NEGR1: variants seen among roughly 807,000 people sequenced by gnomAD.
The protein encoded by NEGR1 is IgLON family member 4.
NEGR1 carries 10 observed loss-of-function variants against 40.9 expected under a neutral mutation model. The observed-to-expected ratio is 0.24, with a 90% CI of 0.15 to 0.42. The LOEUF is 0.42. Ranked by LOEUF, NEGR1 falls within the 10% of genes least tolerant of loss-of-function variation. The pLI is 1.00. For synonymous variants in NEGR1, 185 were observed against 166.8 expected (o/e 1.11, Z -0.84); for missense variants, 352 against 438.9 (o/e 0.80, Z 1.77).
At chr1:71,830,513 T>G (rs552683704) in intron 2 of NEGR1, among the ~76,000 whole-genome samples, 1 of 151,832 alleles carries the variant, frequency 6.6e-6, no homozygotes, top group Non-Finnish European at 1.5e-5. Flanking sequence ...CCTTGTTGAT[T>G]GCATTCTTGA....
intron 6 of NEGR1, among the ~76,000 whole-genome samples, chr1:71,506,610 TA>T (rs1327804437): frequency 6.6e-6 from 1 of 152,124 alleles, no homozygotes; most frequent in Non-Finnish European, 1.5e-5. Context: ...CATTTGGTCA[TA>T]ACAATGAATA....
chr1:71,994,609 A>G (rs1311658160), intron 1 of NEGR1, among the ~76,000 whole-genome samples: 1 of 151,958 alleles, frequency 6.6e-6, no homozygotes, highest in African/African-American at 2.4e-5. Context: ...TTAAAAACCC[A>G]CCATGAAGTA....
intron 1 of NEGR1, among the ~76,000 whole-genome samples, chr1:72,276,175 T>A (rs1175407173): frequency 6.6e-6 from 1 of 152,088 alleles, no homozygotes; most frequent in African/African-American, 2.4e-5. Context: ...AAACAAGATA[T>A]GGTAGAAAAA....
At chr1:72,210,606 T>C (rs1653566555) in intron 1 of NEGR1, among the ~76,000 whole-genome samples, 1 of 151,926 alleles carries the variant, frequency 6.6e-6, no homozygotes, top group African/African-American at 2.4e-5. Context: ...AGATTTGAAT[T>C]TCTGACATCT....
intron 1 of NEGR1, among the ~76,000 whole-genome samples, chr1:72,152,736 T>C (rs773896303): frequency 4.6e-5 from 7 of 151,988 alleles, no homozygotes; most frequent in Non-Finnish European, 8.8e-5. Context: ...TGCCCATCAA[T>C]GGTAGAATGG....
chr1:71,987,568 G>A (rs541551191), intron 1 of NEGR1, among the ~76,000 whole-genome samples: 6 of 152,284 alleles, frequency 3.9e-5, no homozygotes, highest in East Asian at 1.9e-4. Flanking sequence ...ACATGAAGGC[G>A]CCTAGTGGTC....
chr1:72,037,037 A>C (rs1646909740), intron 1 of NEGR1, among the ~76,000 whole-genome samples: 1 of 152,168 alleles, frequency 6.6e-6, no homozygotes, highest in Admixed American at 6.5e-5. Flanking sequence ...GAACAAAGTT[A>C]ATAATTGTAC....
intron 1 of NEGR1, among the ~76,000 whole-genome samples, chr1:71,976,994 T>A (rs2100330394): frequency 6.6e-6 from 1 of 152,266 alleles, no homozygotes; most frequent in East Asian, 1.9e-4. Flanking sequence ...AGATAATAGT[T>A]ACAGAATTCT....
intron 6 of NEGR1, among the ~76,000 whole-genome samples, chr1:71,413,159 C>T (rs79994143): frequency 0.073 from 11,051 of 152,208 alleles, 587 homozygotes; most frequent in Middle Eastern, 0.15. Context: ...TTGGTAGTAT[C>T]TCAAAAGTTA....
chr1:72,156,053 T>A (rs1490435087), intron 1 of NEGR1, among the ~76,000 whole-genome samples: 1 of 152,140 alleles, frequency 6.6e-6, no homozygotes, highest in Non-Finnish European at 1.5e-5. Context: ...ATCTAAGCCA[T>A]AACATTTGAA....
intron 1 of NEGR1, chr1:72,101,074 A>C (rs757405733): frequency 6.6e-6 from 1 of 152,188 alleles, no homozygotes; most frequent in African/African-American, 2.4e-5. Context: ...TTACACTGGG[A>C]GTTAGGGCTT....
intron 6 of NEGR1, among the ~76,000 whole-genome samples, chr1:71,469,732 T>A (rs1646769694): frequency 6.6e-6 from 1 of 152,058 alleles, no homozygotes; most frequent in Admixed American, 6.6e-5. Flanking sequence ...GTATATCTGG[T>A]GAAAATGTAG....
chr1:71,852,944 CA>C (rs1477755659), intron 2 of NEGR1, among the ~76,000 whole-genome samples: 1 of 151,726 alleles, frequency 6.6e-6, no homozygotes, highest in Non-Finnish European at 1.5e-5. Flanking sequence ...TAGGACAAAC[CA>C]AAATATGTCT....
intron 1 of NEGR1, among the ~76,000 whole-genome samples, chr1:72,135,324 C>T (rs1306037482): frequency 2.8e-5 from 4 of 145,080 alleles, no homozygotes; most frequent in Non-Finnish European, 6.0e-5. Context: ...TGCAGTGAGC[C>T]GAGATCTCGC....
At chr1:72,077,743 G>T (rs909091672) in intron 1 of NEGR1, among the ~76,000 whole-genome samples, 8 of 152,064 alleles carry the variant, frequency 5.3e-5, no homozygotes, top group African/African-American at 1.9e-4. Flanking sequence ...ATCCTGGGAG[G>T]TTGAGGCTGC....
intron 1 of NEGR1, among the ~76,000 whole-genome samples, chr1:72,110,327 G>A (rs1649312117): frequency 6.6e-6 from 1 of 150,476 alleles, no homozygotes; most frequent in South Asian, 2.1e-4. Context: ...GACTGACTAT[G>A]ACTGTTGGGA....
At chr1:72,142,528 T>TAGAG (rs1473314106) in intron 1 of NEGR1, among the ~76,000 whole-genome samples, 5 of 133,650 alleles carry the variant, frequency 3.7e-5, no homozygotes, top group Admixed American at 2.1e-4. Flanking sequence ...AGATAGATGA[T>TAGAG]AGATAGATAG....
At chr1:71,825,292 A>C (rs1319534131) in intron 2 of NEGR1, among the ~76,000 whole-genome samples, 2 of 151,944 alleles carry the variant, frequency 1.3e-5, no homozygotes, top group African/African-American at 2.4e-5. Flanking sequence ...GATGTGGTTT[A>C]AATCTCCTTC....
intron 2 of NEGR1, among the ~76,000 whole-genome samples, chr1:71,860,251 C>T (rs763387841): frequency 4.6e-5 from 7 of 151,414 alleles, no homozygotes; most frequent in South Asian, 2.1e-4. Context: ...AGACAATATA[C>T]GCTTGCTTGC....
Sources: gnomAD v4.1 joint callset for allele counts (sites outside exome capture counted in the v4.1 genomes callset) on GRCh38, gnomAD v4.1.1 for gene constraint, MANE v1.5 for transcripts, NCBI Gene and HGNC (gene_info 2026-07-23, HGNC 2026-07-21) for gene names.